The following MTA3 variants were observed in gnomAD, a reference collection of about 807,000 sequenced individuals.
MTA3 encodes metastasis-associated protein MTA3.
Under a neutral mutation model 83.5 loss-of-function variants are expected in MTA3, and 34 were observed. The ratio of observed to expected loss-of-function variants is 0.41; its 90% confidence interval spans 0.31 to 0.54. The LOEUF is 0.54. Ranked by LOEUF, MTA3 falls within the 20% of genes least tolerant of loss-of-function variation. The probability of loss-of-function intolerance (pLI) is 0.33; values close to 1 mark genes in which losing one functional copy is unlikely to be tolerated. For synonymous variants in MTA3, 303 were observed against 252.7 expected (o/e 1.20, Z -1.89); for missense variants, 761 against 726.4 (o/e 1.05, Z -0.55).
chr2:42,578,585 T>G (rs1679295084), intron 2 of MTA3, among the ~76,000 whole-genome samples: 1 of 152,228 alleles, frequency 6.6e-6, no homozygotes, highest in African/African-American at 2.4e-5. Context: ...TGATGGCTGC[T>G]TCCCACCTGC....
At chr2:42,727,552 A>C (rs928882213) in intron 16 of MTA3, among the ~76,000 whole-genome samples, 5 of 152,220 alleles carry the variant, frequency 3.3e-5, no homozygotes, top group Non-Finnish European at 7.3e-5. Context: ...TTTCCATGTC[A>C]GAAAGCCCTG....
intron 14 of MTA3, among the ~76,000 whole-genome samples, chr2:42,715,664 A>G (rs1666977660): frequency 1.3e-5 from 2 of 152,176 alleles, no homozygotes; most frequent in Non-Finnish European, 2.9e-5. Context: ...TAATCCTCCT[A>G]TTTTTAATGA....
intron 9 of MTA3, among the ~76,000 whole-genome samples, chr2:42,684,587 G>A (rs780514155): frequency 6.6e-6 from 1 of 152,110 alleles, no homozygotes; most frequent in East Asian, 1.9e-4. Flanking sequence ...AAATAATAGA[G>A]CTACAGCTAC....
At chr2:42,584,078 G>A (rs1232103526) in intron 3 of MTA3, among the ~76,000 whole-genome samples, 1 of 151,894 alleles carries the variant, frequency 6.6e-6, no homozygotes, top group East Asian at 1.9e-4. Flanking sequence ...CCCTACCTCA[G>A]GTGATACGCC....
chr2:42,501,400 T>G (rs1397127600), intron 2 of MTA3, among the ~76,000 whole-genome samples: 1 of 152,200 alleles, frequency 6.6e-6, no homozygotes, highest in African/African-American at 2.4e-5. Context: ...CTCAATTGCC[T>G]TTAGCTCAAA....
At chr2:42,575,219 C>G (rs537043878) in intron 2 of MTA3, among the ~76,000 whole-genome samples, 23 of 152,258 alleles carry the variant, frequency 1.5e-4, no homozygotes, top group Admixed American at 1.4e-3. Context: ...TGTGTCCGTC[C>G]TACCCCTCAC....
At position 42,754,598 on chromosome 2, in the gene MTA3, G is replaced by A. The variant is rs144861139; in HGVS notation, c.*1199G>A. ...CGCCCGATGAGCTCCCTGAGCAGAT[G>A]TGAGGCTGGCAACTCCCCTGCCCTC... On this transcript the variant is annotated 3_prime_UTR_variant, in exon 17 of 17. Transcript: ENST00000405094. 3,144 of 985,518 alleles carry A rather than the reference G, an allele frequency of 3.2e-3. 10 individuals are homozygous for A. Among genetic ancestry groups the A allele is most frequent in the Non-Finnish European group, 3.6e-3 (2,954 of 829,990 alleles). 61.0% of individuals were successfully genotyped at this position (985,518 alleles called of 1,614,324 possible).
intron 6 of MTA3, among the ~76,000 whole-genome samples, chr2:42,655,555 T>C (rs1205160384): frequency 6.6e-6 from 1 of 152,216 alleles, no homozygotes; most frequent in Non-Finnish European, 1.5e-5. Context: ...TTATTTGGTT[T>C]ATATCATATG....
chr2:42,732,332 C>T (rs1668288793), intron 16 of MTA3, among the ~76,000 whole-genome samples: 2 of 152,226 alleles, frequency 1.3e-5, no homozygotes, highest in South Asian at 2.1e-4. Flanking sequence ...GGCTCAACAC[C>T]ATGTGGAAGC....
intron 8 of MTA3, among the ~76,000 whole-genome samples, 158 bp from the exon 9 acceptor site, chr2:42,682,243 T>C (rs1309177219): frequency 1.3e-5 from 2 of 152,222 alleles, no homozygotes; most frequent in East Asian, 1.9e-4. Flanking sequence ...ATAAATGATA[T>C]CTTAAATAAT....
intron 8 of MTA3, among the ~76,000 whole-genome samples, chr2:42,665,785 T>C (rs939548366): frequency 6.6e-6 from 1 of 152,198 alleles, no homozygotes. Context: ...GAAGACTGTT[T>C]TACAGGTGAT....
At chr2:42,546,797 G>A (rs776157790) in intron 2 of MTA3, among the ~76,000 whole-genome samples, 1 of 152,188 alleles carries the variant, frequency 6.6e-6, no homozygotes, top group Non-Finnish European at 1.5e-5. Flanking sequence ...AACAGAAGGG[G>A]TCTCTATTCT....
chr2:42,539,075 G>C (rs1676401979), intron 2 of MTA3, among the ~76,000 whole-genome samples: 1 of 152,052 alleles, frequency 6.6e-6, no homozygotes, highest in African/African-American at 2.4e-5. Flanking sequence ...CTCCCGGCCT[G>C]AAAAAAATGT....
intron 4 of MTA3, among the ~76,000 whole-genome samples, chr2:42,633,366 C>T (rs1686869212): frequency 1.3e-5 from 2 of 151,232 alleles, no homozygotes. Flanking sequence ...ATCGCTTGAT[C>T]CTAGGAGTTT....
intron 16 of MTA3, among the ~76,000 whole-genome samples, chr2:42,746,524 A>C (rs1332239464): frequency 2.6e-5 from 4 of 152,144 alleles, no homozygotes; most frequent in African/African-American, 9.7e-5. Flanking sequence ...GTCAGAACCT[A>C]TAGATTGAGG....
chr2:42,621,437 C>T (rs1469994834), intron 4 of MTA3, among the ~76,000 whole-genome samples: 2 of 152,192 alleles, frequency 1.3e-5, no homozygotes, highest in African/African-American at 4.8e-5. Context: ...TCAGAGAGCA[C>T]CGGGTTGGGA....
At position 42,734,343 on chromosome 2, in the gene MTA3, T is replaced by C. The variant is rs1246070661; in HGVS notation, c.1759+11308T>C. On this transcript the variant is annotated intron_variant, in intron 16 of 16. Coordinates refer to ENST00000405094, the MANE Select transcript of MTA3 (RefSeq NM_001330442.2). Reference sequence around the variant, plus strand: ...AAATCTTTTTTGTCTGATATAAGTATAGCTACTCCTGCTCTTTTTTGGTTT... The same window carrying C: ...AAATCTTTTTTGTCTGATATAAGTACAGCTACTCCTGCTCTTTTTTGGTTT... 2.0e-5 allele frequency among the ~76,000 whole-genome samples: 3 copies of C among 151,948 alleles called. No individual in the cohort carries two copies. In the East Asian group the frequency reaches 5.8e-4, roughly 29 times the overall value.
chr2:42,574,909 G>A (rs903840), intron 2 of MTA3, among the ~76,000 whole-genome samples: 1 of 152,244 alleles, frequency 6.6e-6, no homozygotes, highest in African/African-American at 2.4e-5. Context: ...GGCCTCAAGT[G>A]TAGATCAGTC....
chr2:42,679,311 C>A (rs184890250), intron 8 of MTA3, among the ~76,000 whole-genome samples: 1 of 152,250 alleles, frequency 6.6e-6, no homozygotes, highest in East Asian at 1.9e-4. Flanking sequence ...TTTTATATTG[C>A]CTTTGTTCTG....
Sources: allele counts gnomAD v4.1 joint callset (sites outside exome capture counted in the v4.1 genomes callset), GRCh38; gene constraint gnomAD v4.1.1; transcripts MANE v1.5; gene names NCBI Gene and HGNC (gene_info 2026-07-23, HGNC 2026-07-21).